The following SMC4 variants were observed in gnomAD, a reference collection of about 807,000 sequenced individuals.
SMC4 encodes the protein structural maintenance of chromosomes protein 4.
SMC4 carries 87 observed loss-of-function variants against 145.6 expected under a neutral mutation model. The ratio of observed to expected loss-of-function variants is 0.60; its 90% CI spans 0.50 to 0.71. SMC4 has a LOEUF of 0.71. SMC4 is among the 30% of genes least tolerant of loss of function. The pLI, the probability that SMC4 is intolerant of heterozygous loss-of-function variation, is 0.00. For synonymous variants in SMC4, 558 were observed against 500.7 expected, an observed-to-expected ratio of 1.11 and a Z score of -1.53; for missense variants, 1,447 against 1,537.1, an observed-to-expected ratio of 0.94 and a Z score of 0.98.
Position 160,431,625 on chromosome 3 carries a change from C to A in SMC4, c.3115-18C>A. ...AATATTATGCCTTCTCTAACTCTCC[C>A]CTAAATTGAACTTTTAGATTTCAAA... On this transcript the variant is annotated intron_variant, in intron 20 of 23. Coordinates refer to ENST00000357388, the MANE Select transcript of SMC4 (RefSeq NM_001002800.3). 2 of 1,553,346 alleles carry A rather than the reference C, an allele frequency of 1.3e-6. No individual in the cohort carries two copies. The highest frequency in any genetic ancestry group is 2.4e-5 in the South Asian group (2 of 82,620).
In SMC4 at chr3:160,404,019, G is replaced by A; in HGVS notation, c.511-309G>A. On this transcript the variant is annotated intron_variant, in intron 4 of 23. Transcript: ENST00000357388. ...AATTTGTGTGGGTTTTGGATATGGTGGGAATCTTGTCTACGTCTTCTCAAT... is the reference window on the plus strand; with the variant it reads ...AATTTGTGTGGGTTTTGGATATGGTAGGAATCTTGTCTACGTCTTCTCAAT... 3.4e-5 allele frequency: 9 copies of A among 265,080 alleles called. No individual in the cohort carries two copies. In the South Asian group the frequency reaches 5.0e-4, roughly 15 times the overall value. 16.4% of individuals were successfully genotyped at this position (265,080 alleles called of 1,614,324 possible). A position where few individuals can be genotyped will look rare whatever the true frequency, so the allele number is the denominator to read the frequency against.
In SMC4 at chr3:160,428,856, A is replaced by T; in HGVS notation, c.2709A>T (p.Gln903His). 1 of 1,606,862 alleles carries T rather than the reference A, an allele frequency of 6.2e-7. No homozygotes were observed. The highest frequency in any genetic ancestry group is 8.5e-7 in the Non-Finnish European group (1 of 1,178,582). The change falls in exon 18 of 24, where the codon CAA (glutamine) becomes CAT (histidine). Residue 903 changes from glutamine (Q) to histidine (H), a missense_variant. Gln to His is a conservative substitution (Grantham distance 24, BLOSUM62 0). Coordinates refer to ENST00000357388, the MANE Select transcript of SMC4 (RefSeq NM_001002800.3). ...ATAATCATAAACTCAAGGCCCAACA[A>T]GACAAACTTGATAAAATAAATAAGC... ...EINNHKLKAQQDKLDKINKQL... is the reference protein window; with the variant it reads ...EINNHKLKAQHDKLDKINKQL...
intron 7 of SMC4, 65 bp downstream of exon 7, chr3:160,412,518 C>T: frequency 2.0e-6 from 3 of 1,480,248 alleles, no homozygotes; most frequent in Non-Finnish European, 1.8e-6. Flanking sequence ...CAAAGCCCTT[C>T]TCTTTTCCTA....
chr3:160,408,695 T>C (rs1441392921), intron 5 of SMC4, among the ~76,000 whole-genome samples: 2 of 152,188 alleles, frequency 1.3e-5, no homozygotes, highest in Admixed American at 1.3e-4. Flanking sequence ...TTTACATGAG[T>C]TATGTAAGTT....
intron 15 of SMC4, among the ~76,000 whole-genome samples, chr3:160,424,413 AC>A (rs1388724748): frequency 4.7e-4 from 71 of 152,290 alleles, no homozygotes; most frequent in African/African-American, 1.6e-3. Flanking sequence ...ACACTTAGTT[AC>A]CTTTCCATCT....
chr3:160,402,250 C>CACACGT (rs1214060584), intron 3 of SMC4, among the ~76,000 whole-genome samples, 157 bp downstream of exon 3: 12 of 152,174 alleles, frequency 7.9e-5, no homozygotes, highest in African/African-American at 2.9e-4. Context: ...CACACACACA[C>CACACGT]ACACGTTTCA....
chr3:160,426,795 A>G (rs1046348096), intron 17 of SMC4, among the ~76,000 whole-genome samples: 5 of 152,218 alleles, frequency 3.3e-5, no homozygotes, highest in African/African-American at 1.2e-4. Flanking sequence ...TCAATCAAAC[A>G]TAGATGTGCA....
rs773829307 is a variant in SMC4 at position 160,413,456 on chromosome 3, T to C, written c.981-17T>C. 1 of 1,570,746 alleles carries C rather than the reference T, an allele frequency of 6.4e-7. No individual in the cohort carries two copies. The highest frequency in any genetic ancestry group is 8.6e-7 in the Non-Finnish European group (1 of 1,167,700). On this transcript the variant is annotated splice_polypyrimidine_tract_variant and intron_variant, in intron 7 of 23. Coordinates refer to ENST00000357388, the MANE Select transcript of SMC4 (RefSeq NM_001002800.3). ...TTTAGGAGCTTCAATTTCTTTTTTT[T>C]TTTTTCCTCCCTATAGTTATGAGTT... is the stretch of plus-strand genomic sequence containing the variant.
chr3:160,412,202 T>C, intron 6 of SMC4, 118 bp downstream of exon 6: 1 of 1,422,014 alleles, frequency 7.0e-7, no homozygotes, highest in Non-Finnish European at 9.5e-7. Context: ...TATTGAAATT[T>C]ATATCTTAAC....
rs186816758 is a variant in SMC4, at chr3:160,402,108, A to G, written c.318+15A>G. 122 of 1,484,702 alleles carry G rather than the reference A, an allele frequency of 8.2e-5. 1 individual carries two copies. The highest frequency in any genetic ancestry group is 8.0e-4 in the Middle Eastern group (4 of 4,984). The allele number at this position is 1,484,702 out of a possible 1,614,324, so 92.0% of individuals were successfully genotyped here. On this transcript the variant is annotated intron_variant, in intron 3 of 23. Transcript: ENST00000357388. ...CTTTCCATAAGGTATTTGTATGGAA[A>G]TAACTATTTTATAACTTTTTAAATA...
In SMC4 at chr3:160,401,476, AG is replaced by A. The variant is rs1714648454; in HGVS notation, c.140-438del. 2.6e-5 allele frequency among the ~76,000 whole-genome samples: 4 copies of A among 152,290 alleles called. No homozygotes were observed. In the South Asian group the frequency reaches 8.3e-4, roughly 32 times the overall value. On this transcript the variant is annotated intron_variant, in intron 2 of 23. Coordinates refer to ENST00000357388, the MANE Select transcript of SMC4 (RefSeq NM_001002800.3). ...GGTGACATTATTAAACCCTCGTGGC[AG>A]TGTCGCTGAAGTTCATGAGTTTCCA...
rs1314856886 is a variant in SMC4 at position 160,400,863 on chromosome 3, C to A, written c.37C>A (p.Arg13Ser). The A allele has an allele frequency of 6.5e-7, 1 of 1,531,742 alleles. No homozygotes were observed. Among genetic ancestry groups the A allele is most frequent in the Non-Finnish European group, 8.7e-7 (1 of 1,149,192 alleles). 94.9% of individuals were successfully genotyped at this position (1,531,742 alleles called of 1,614,324 possible). ...AGGCACCCAGCCCTCCACTGCCCGG[C>A]GCAGAGAGGAAGGGCCGCCGCCGCC... is the stretch of plus-strand genomic sequence containing the variant. ...RKGTQPSTAR[R>S]REEGPPPPSP... Residue 13 changes from arginine to serine, a missense_variant, in exon 2 of 24, where the codon CGC becomes AGC. Transcript: ENST00000357388.
chr3:160,428,311 T>C (rs921150966), intron 17 of SMC4, among the ~76,000 whole-genome samples: 31 of 152,236 alleles, frequency 2.0e-4, no homozygotes, highest in African/African-American at 7.5e-4. Flanking sequence ...TAATTCATCT[T>C]ATATCCTCCA....
rs747733111 is a variant in SMC4, at chr3:160,400,623, C to G, written c.-5-199C>G. On this transcript the variant is annotated intron_variant, in intron 1 of 23. Coordinates refer to ENST00000357388, the MANE Select transcript of SMC4 (RefSeq NM_001002800.3). ...AGGCACGTCTAGATTTTCCCACTTACATAGGTCTTGTTAAGAAACCAGTCC... is the reference window on the plus strand; with the variant it reads ...AGGCACGTCTAGATTTTCCCACTTAGATAGGTCTTGTTAAGAAACCAGTCC... 2.8e-4 allele frequency: 157 copies of G among 567,940 alleles called. 1 individual carries two copies. Among genetic ancestry groups the G allele is most frequent in the Admixed American group, 1.0e-3 (24 of 23,332 alleles). The allele number at this position is 567,940 out of a possible 1,614,324, so 35.2% of individuals were successfully genotyped here.
intron 16 of SMC4, among the ~76,000 whole-genome samples, 181 bp downstream of exon 16, chr3:160,425,200 T>C (rs1436424797): frequency 6.6e-6 from 1 of 152,204 alleles, no homozygotes; most frequent in Non-Finnish European, 1.5e-5. Context: ...GATAACGCCC[T>C]GTCACAGTGT....
At chr3:160,429,547 A>G (rs1244177044) in intron 18 of SMC4, among the ~76,000 whole-genome samples, 1 of 151,564 alleles carries the variant, frequency 6.6e-6, no homozygotes, top group Non-Finnish European at 1.5e-5. Flanking sequence ...GAGTTTTGCC[A>G]TGTTTCCCAG....
chr3:160,429,082 T>G (rs563003023), intron 18 of SMC4, 140 bp downstream of exon 18: 4 of 677,926 alleles, frequency 5.9e-6, no homozygotes, highest in Non-Finnish European at 9.5e-6. Flanking sequence ...CTAATGGGAC[T>G]TCCATGACGG....
chr3:160,433,695 T>C lies in SMC4; in HGVS notation c.3753T>C (p.Leu1251=), dbSNP rs763838758. The change falls in exon 24 of 24, where the codon CTT becomes CTC. Residue 1251 remains leucine, a synonymous_variant. Coordinates refer to ENST00000357388, the MANE Select transcript of SMC4 (RefSeq NM_001002800.3). ...TKNAQFIIIS[L]RNNMFEISDR... The stretch of plus-strand genomic sequence containing the variant: ...ATGCACAGTTCATAATAATTTCTCT[T>C]CGAAATAATATGTTTGAGATTTCGG... The C allele has an allele frequency of 6.3e-7, 1 of 1,579,554 alleles. No homozygotes were observed. The highest frequency in any genetic ancestry group is 8.6e-7 in the Non-Finnish European group (1 of 1,162,072).
chr3:160,402,836 T>G lies in SMC4; in HGVS notation c.479T>G (p.Val160Gly). 6.4e-7 allele frequency: 1 copy of G among 1,572,834 alleles called. No individual in the cohort carries two copies. The highest frequency in any genetic ancestry group is 8.6e-7 in the Non-Finnish European group (1 of 1,166,634). Residue 160 changes from valine (V) to glycine (G), a missense_variant, in exon 4 of 24, where the codon GTA becomes GGA. Transcript: ENST00000357388. ...DEHKDIQSCT[V>G]EVHFQKIIDK... ...CACAAGGACATTCAGAGTTGTACAG[T>G]AGAAGTTCATTTTCAAAAGATAATT... is the stretch of plus-strand genomic sequence containing the variant.
Sources: gnomAD v4.1 joint callset for allele counts (sites outside exome capture counted in the v4.1 genomes callset) on GRCh38, gnomAD v4.1.1 for gene constraint, MANE v1.5 for transcripts, NCBI Gene and HGNC (gene_info 2026-07-23, HGNC 2026-07-21) for gene names.